DCLRE1B: variants seen among roughly 807,000 people sequenced by gnomAD.
DCLRE1B encodes the protein 5' exonuclease Apollo.
In DCLRE1B, 6 loss-of-function variants were observed where a neutral mutation model predicts 19.8. The ratio of observed to expected loss-of-function variants is 0.30; its 90% confidence interval spans 0.17 to 0.60. The LOEUF (loss-of-function observed/expected upper bound fraction) is 0.60. Ranked by LOEUF, DCLRE1B falls within the 20% of genes least tolerant of loss-of-function variation. DCLRE1B has a pLI of 0.87. For missense variants in DCLRE1B, 622 were observed against 654.2 expected, an observed-to-expected ratio of 0.95 and a Z score of 0.54; for synonymous variants, 258 against 255.7, an observed-to-expected ratio of 1.01 and a Z score of -0.09.
At chr1:113,910,062 T>C (rs184971288) in intron 3 of DCLRE1B, among the ~76,000 whole-genome samples, 1 of 152,364 alleles carries the variant, frequency 6.6e-6, no homozygotes, top group Admixed American at 6.5e-5. Flanking sequence ...CCCAAATTAA[T>C]GTCTCCATTT....
Position 113,911,432 on chromosome 1 carries a change from C to T in DCLRE1B, c.840C>T (p.Ser280=), listed in dbSNP as rs532282272. ...CTTACTCTGACCATTCCTCTTACTC[C>T]GAGCTTCGTGCCTTTGTCGCAGCAC... ...VIPYSDHSSY[S]ELRAFVAALK... Residue 280 remains serine, a synonymous_variant, in exon 4 of 4, where the codon TCC becomes TCT. Coordinates refer to ENST00000650450, the MANE Select transcript of DCLRE1B (RefSeq NM_022836.4). 1.7e-5 allele frequency: 28 copies of T among 1,614,180 alleles called. No homozygotes were observed. In the East Asian group the frequency reaches 2.0e-4, roughly 12 times the overall value.
chr1:113,905,867 C>G (rs576949439), intron 1 of DCLRE1B, 92 bp downstream of exon 1: 2 of 1,402,638 alleles, frequency 1.4e-6, no homozygotes, highest in African/African-American at 2.9e-5. Context: ...ATGGGGGCCA[C>G]GAAAACTGAT....
At position 113,911,362 on chromosome 1, in the gene DCLRE1B, CA is replaced by C. The variant is rs1482745356; in HGVS notation, c.772del (p.Ser258AlafsTer32). 1 of 1,614,064 alleles carries C rather than the reference CA, an allele frequency of 6.2e-7. No individual in the cohort carries two copies. The highest frequency in any genetic ancestry group is 2.2e-5 in the East Asian group (1 of 44,898). On this transcript the variant is annotated frameshift_variant, in exon 4 of 4. Transcript: ENST00000650450. LOFTEE classifies it low-confidence loss of function (END_TRUNC). ...CACCCTACGATTGCTATCCTTCCCA[CA>C]AGCCGAAAAATCCACAGCTCCCACC... ...QTHPTIAILP[T>X]SRKIHSSHPD...
chr1:113,905,897 A>C, intron 1 of DCLRE1B, 122 bp downstream of exon 1: 1 of 1,156,220 alleles, frequency 8.6e-7, no homozygotes, highest in Non-Finnish European at 1.2e-6. Context: ...GTTTGAACCC[A>C]AAAATGCATC....
chr1:113,905,693 A>T lies in DCLRE1B; in HGVS notation c.107A>T (p.His36Leu). 1 of 1,614,094 alleles carries T rather than the reference A, an allele frequency of 6.2e-7. No individual in the cohort carries two copies. Among genetic ancestry groups the T allele is most frequent in the Non-Finnish European group, 8.5e-7 (1 of 1,180,010 alleles). The change falls in exon 1 of 4, where the codon CAC (histidine) becomes CTC (leucine). Residue 36 changes from histidine (H) to leucine (L), a missense_variant. Transcript: ENST00000650450. ...TTCTTGTCTCACATGCACTCGGACC[A>T]CACCGTGGGCCTGTCTAGCACCTGG... is the stretch of plus-strand genomic sequence containing the variant. Reference protein sequence around the residue: ...LFFLSHMHSDHTVGLSSTWAR... With the variant: ...LFFLSHMHSDLTVGLSSTWAR...
In DCLRE1B at chr1:113,906,037, C is replaced by G. The variant is rs28381071; in HGVS notation, c.189+262C>G. 2.7e-5 allele frequency among the ~76,000 whole-genome samples: 4 copies of G among 145,560 alleles called. No homozygotes were observed. In the East Asian group the frequency reaches 8.3e-4, roughly 30 times the overall value. On this transcript the variant is annotated intron_variant, in intron 1 of 3. Transcript: ENST00000650450. ...ATAAGTAAGCTAGGCCGATGTTTCC[C>G]AAACTTGCCTTTTTTTTTTTTTTTT...
At position 113,906,980 on chromosome 1, in the gene DCLRE1B, C is replaced by T. The variant is rs1420393374; in HGVS notation, c.190-16C>T. 3 of 1,613,436 alleles carry T rather than the reference C, an allele frequency of 1.9e-6. No homozygotes were observed. The highest frequency in any genetic ancestry group is 2.2e-5 in the South Asian group (2 of 91,040). ...GAGGAGTCAGTGGTCACTGGGATGA[C>T]TAACTGTTTTCTCAGGTATCTAAGC... On this transcript the variant is annotated splice_polypyrimidine_tract_variant and intron_variant, in intron 1 of 3. Transcript: ENST00000650450.
chr1:113,905,337 C>G lies in DCLRE1B; in HGVS notation c.-250C>G. ...TCCCTGCAGCGCGCGCTTTGAGTGC[C>G]CGGCTCGGCCTCCGCTCCCGCGCGG... On this transcript the variant is annotated 5_prime_UTR_variant, in exon 1 of 4. Coordinates refer to ENST00000650450, the MANE Select transcript of DCLRE1B (RefSeq NM_022836.4). 1 of 504,312 alleles carries G rather than the reference C, an allele frequency of 2.0e-6. No individual in the cohort carries two copies. The allele number at this position is 504,312 out of a possible 1,614,324, so 31.2% of individuals were successfully genotyped here.
rs762236650 is a variant in DCLRE1B at position 113,911,582 on chromosome 1, C to T, written c.990C>T (p.Ser330=). 5 of 1,598,238 alleles carry T rather than the reference C, an allele frequency of 3.1e-6. No homozygotes were observed. In the South Asian group the frequency reaches 3.4e-5, roughly 11 times the overall value. The change falls in exon 4 of 4, where the codon TCC becomes TCT. Residue 330 remains serine, a synonymous_variant. Transcript: ENST00000650450. ...PDSVQQYMSS[S]SRKPSLLWLL... ...CTGTACAGCAATACATGAGTTCTTC[C>T]TCTAGAAAACCAAGCCTTCTCTGGC...
chr1:113,905,711 G>T lies in DCLRE1B; in HGVS notation c.125G>T (p.Ser42Ile). The change falls in exon 1 of 4, where the codon AGC becomes ATC. Residue 42 changes from serine (S) to isoleucine (I), a missense_variant. Ser to Ile is a moderately radical substitution (Grantham distance 142, BLOSUM62 -2). Around this residue, in one of 3 missense-constraint regions of DCLRE1B, gnomAD observed 237 missense variants for 223.8 expected, o/e 1.06. Transcript: ENST00000650450. Reference protein sequence around the residue: ...MHSDHTVGLSSTWARPLYCSP... With the variant: ...MHSDHTVGLSITWARPLYCSP... ...TCGGACCACACCGTGGGCCTGTCTA[G>T]CACCTGGGCCCGGCCCCTCTACTGC... The T allele has an allele frequency of 6.2e-7, 1 of 1,614,140 alleles. No homozygotes were observed. Among genetic ancestry groups the T allele is most frequent in the Non-Finnish European group, 8.5e-7 (1 of 1,180,030 alleles).
intron 1 of DCLRE1B, 77 bp downstream of exon 1, chr1:113,905,852 A>T (rs778444309): frequency 2.1e-4 from 304 of 1,467,784 alleles, no homozygotes; most frequent in Non-Finnish European, 4.0e-5. Flanking sequence ...TCTTGGAGTC[A>T]TAGAATGGGG....
chr1:113,912,149 G>C lies in DCLRE1B; in HGVS notation c.1557G>C (p.Arg519Ser). 6.2e-7 allele frequency: 1 copy of C among 1,614,070 alleles called. No homozygotes were observed. Among genetic ancestry groups the C allele is most frequent in the Non-Finnish European group, 8.5e-7 (1 of 1,180,010 alleles). ...VNFFQAGYSS[R>S]RFDQQVEKYH... Reference sequence around the variant, plus strand: ...TTTTCCAGGCAGGGTATTCTTCCAGGAGATTTGACCAGCAAGTGGAAAAAT... The same window carrying C: ...TTTTCCAGGCAGGGTATTCTTCCAGCAGATTTGACCAGCAAGTGGAAAAAT... The change falls in exon 4 of 4, where the codon AGG becomes AGC. Residue 519 changes from arginine to serine, a missense_variant. Physicochemically the swap from Arg to Ser is moderately radical, Grantham distance 110. Transcript: ENST00000650450.
intron 3 of DCLRE1B, among the ~76,000 whole-genome samples, chr1:113,909,549 C>G (rs1338694897): frequency 6.6e-6 from 1 of 152,204 alleles, no homozygotes; most frequent in Non-Finnish European, 1.5e-5. Context: ...AATTATATAA[C>G]TTCCAGGGTG....
At chr1:113,906,091 C>G (rs1394114845) in intron 1 of DCLRE1B, among the ~76,000 whole-genome samples, 3 of 111,816 alleles carry the variant, frequency 2.7e-5, no homozygotes, top group Non-Finnish European at 4.9e-5. Flanking sequence ...GAGTCTCGCT[C>G]TGTTGCCCAG....
At position 113,911,508 on chromosome 1, in the gene DCLRE1B, T is replaced by G; in HGVS notation, c.916T>G (p.Phe306Val). 1 of 1,614,140 alleles carries G rather than the reference T, an allele frequency of 6.2e-7. No homozygotes were observed. Among genetic ancestry groups the G allele is most frequent in the South Asian group, 1.1e-5 (1 of 91,084 alleles). Residue 306 changes from phenylalanine to valine, a missense_variant, in exon 4 of 4, where the codon TTT (phenylalanine) becomes GTT (valine). Transcript: ENST00000650450. ...PIVSRRPCGG[F>V]QDSLSPRISV... is the part of the protein sequence containing the mutation. The stretch of plus-strand genomic sequence containing the variant: ...TGTAAGTCGGCGGCCCTGTGGAGGC[T>G]TTCAGGACAGTCTGAGCCCCAGGAT...
In DCLRE1B at chr1:113,911,316, A is replaced by C. The variant is rs1669244410; in HGVS notation, c.724A>C (p.Met242Leu). 1 of 1,614,092 alleles carries C rather than the reference A, an allele frequency of 6.2e-7. No individual in the cohort carries two copies. The highest frequency in any genetic ancestry group is 1.3e-5 in the African/African-American group (1 of 75,018). The change falls in exon 4 of 4, where the codon ATG becomes CTG. Residue 242 changes from methionine (M) to leucine (L), a missense_variant. Physicochemically the swap from Met to Leu is conservative, Grantham distance 15. Coordinates refer to ENST00000650450, the MANE Select transcript of DCLRE1B (RefSeq NM_022836.4). ...VDHMEICHSN[M>L]LRWNQTHPTI... ...CCATATGGAGATCTGCCATTCCAAC[A>C]TGCTGCGTTGGAACCAGACCCACCC...
upstream of DCLRE1B, chr1:113,904,782 T>A: frequency 2.3e-6 from 3 of 1,327,208 alleles, no homozygotes; most frequent in Admixed American, 1.7e-5. Context: ...CTTCTCGTCC[T>A]GATGTGGGAG....
chr1:113,904,624 C>G, upstream of DCLRE1B: 1 of 1,613,922 alleles, frequency 6.2e-7, no homozygotes, highest in Non-Finnish European at 8.5e-7. Context: ...CGCTGGATGA[C>G]ATTCCGGTAG....
In DCLRE1B at chr1:113,908,181, C is replaced by T. The variant is rs144459176; in HGVS notation, c.528C>T (p.Asn176=). ...TCATTCGAAAACACCCACAACATAA[C>T]ATAAAGATTGGTGAGTTGTTTCCTT... ...VQLIRKHPQH[N]IKIGLYSLGK... The change falls in exon 3 of 4, where the codon AAC becomes AAT. Residue 176 remains asparagine (N), a synonymous_variant. Transcript: ENST00000650450. 3.7e-6 allele frequency: 6 copies of T among 1,613,168 alleles called. No individual in the cohort carries two copies. The African/African-American group carries it at 8.0e-5, about 22-fold the overall frequency.
Sources: gnomAD v4.1 joint callset for allele counts (sites outside exome capture counted in the v4.1 genomes callset) on GRCh38, gnomAD v4.1.1 for gene constraint, gnomAD v4.1.1 regional missense constraint, MANE v1.5 for transcripts, NCBI Gene and HGNC (gene_info 2026-07-23, HGNC 2026-07-21) for gene names.